Variants in FBXL2 observed in about 807,000 individuals in gnomAD.
FBXL2 encodes F-box and leucine rich repeat protein 2.
Under a neutral mutation model 69.2 loss-of-function variants are expected in FBXL2, and 38 were observed. That is an observed-to-expected ratio of 0.55 (90% CI 0.42 to 0.72). The LOEUF (loss-of-function observed/expected upper bound fraction) is 0.72, where lower values mean the gene tolerates loss of function less well. FBXL2 is among the 30% of genes least tolerant of loss of function. The pLI is 0.00. For synonymous variants in FBXL2, 192 were observed against 201.3 expected, an observed-to-expected ratio of 0.95 and a Z score of 0.39; for missense variants, 354 against 520.3, an observed-to-expected ratio of 0.68 and a Z score of 3.11.
At chr3:33,364,865 A>C (rs1012791444) in intron 5 of FBXL2, 146 bp downstream of exon 5, 3 of 734,062 alleles carry the variant, frequency 4.1e-6, no homozygotes, top group Non-Finnish European at 6.9e-6. Context: ...AGGACTTTGG[A>C]ATAGCAAACC....
intron 5 of FBXL2, among the ~76,000 whole-genome samples, chr3:33,367,208 A>G (rs941763603): frequency 1.3e-5 from 2 of 151,954 alleles, no homozygotes; most frequent in Non-Finnish European, 2.9e-5. Context: ...CAGCCTCCCA[A>G]GTAGCTGAGA....
At chr3:33,321,013 C>T (rs1454226230) in intron 2 of FBXL2, among the ~76,000 whole-genome samples, 2 of 151,658 alleles carry the variant, frequency 1.3e-5, no homozygotes, top group Admixed American at 6.6e-5. Context: ...GACAAACAAT[C>T]TAACTAAAAA....
intron 12 of FBXL2, 58 bp from the exon 13 acceptor site, chr3:33,378,627 G>A: frequency 6.5e-7 from 1 of 1,541,970 alleles, no homozygotes; most frequent in Non-Finnish European, 8.8e-7. Flanking sequence ...GGAGAAGCCA[G>A]GATTAGGTAT....
chr3:33,338,449 A>T lies in FBXL2; in HGVS notation c.66-20518A>T, dbSNP rs374303373. On this transcript the variant is annotated intron_variant, in intron 2 of 14. Transcript: ENST00000484457. ...TAAATAAAATCCATATGGAATGAAA[A>T]AAAAAGTCTGAGTAGCCAAAACTAT... 5.5e-4 allele frequency among the ~76,000 whole-genome samples: 83 copies of T among 152,288 alleles called. 1 individual carries two copies. Among genetic ancestry groups the T allele is most frequent in the African/African-American group, 1.9e-3 (78 of 41,566 alleles).
chr3:33,301,457 T>A (rs935828800), intron 2 of FBXL2, among the ~76,000 whole-genome samples: 1 of 152,230 alleles, frequency 6.6e-6, no homozygotes, highest in African/African-American at 2.4e-5. Flanking sequence ...TTAACAAGCA[T>A]AATCTGGAAT....
intron 12 of FBXL2, among the ~76,000 whole-genome samples, chr3:33,398,839 A>G (rs1011310811): frequency 6.6e-6 from 1 of 152,182 alleles, no homozygotes; most frequent in African/African-American, 2.4e-5. Context: ...CCTTCCATAC[A>G]ACAGTGCAAG....
At chr3:33,376,467 A>G (rs1485731343) in intron 10 of FBXL2, among the ~76,000 whole-genome samples, 1 of 152,170 alleles carries the variant, frequency 6.6e-6, no homozygotes, top group Non-Finnish European at 1.5e-5. Flanking sequence ...TGCTTAGTAG[A>G]AGGAATTTGG....
intron 2 of FBXL2, among the ~76,000 whole-genome samples, chr3:33,354,971 G>A (rs990247452): frequency 1.3e-5 from 2 of 151,926 alleles, no homozygotes; most frequent in African/African-American, 4.8e-5. Flanking sequence ...TTTTGAGACA[G>A]GGTCTCCTTC....
intron 12 of FBXL2, chr3:33,401,064 T>G: frequency 6.6e-7 from 1 of 1,524,320 alleles, no homozygotes; most frequent in Non-Finnish European, 8.9e-7. Context: ...ATAATACATA[T>G]ATGTTTTAAT....
chr3:33,373,000 G>C, intron 5 of FBXL2, 92 bp from the exon 6 acceptor site: 1 of 1,048,238 alleles, frequency 9.5e-7, no homozygotes, highest in Non-Finnish European at 1.5e-6. Context: ...TTAAGTTTGA[G>C]GGAGCGCTGT....
intron 13 of FBXL2, chr3:33,383,686 A>G (rs528909021): frequency 1.2e-5 from 4 of 343,080 alleles, no homozygotes; most frequent in South Asian, 1.0e-4. Context: ...AGAAGAGAGA[A>G]GCCACTCCCA....
At chr3:33,412,813 A>G in the FBXL2 span, 1 of 1,613,276 alleles carries the variant, frequency 6.2e-7, no homozygotes, top group South Asian at 1.1e-5. Context: ...CATGGAATAC[A>G]ACCCTTATGA....
At chr3:33,298,696 CAAAAAAAAAA>C in intron 2 of FBXL2, among the ~76,000 whole-genome samples, 1 of 47,284 alleles carries the variant, frequency 2.1e-5, no homozygotes, top group East Asian at 6.7e-4. Context: ...AACTCTGTCT[CAAAAAAAAAA>C]AAAAAAAAAA....
At chr3:33,342,250 C>T (rs1559571839) in intron 2 of FBXL2, among the ~76,000 whole-genome samples, 1 of 151,650 alleles carries the variant, frequency 6.6e-6, no homozygotes, top group Non-Finnish European at 1.5e-5. Context: ...CGTGAGCCTC[C>T]CGCCTCAGCC....
At chr3:33,393,512 T>C in intron 12 of FBXL2, 2 of 1,539,078 alleles carry the variant, frequency 1.3e-6, no homozygotes, top group Non-Finnish European at 1.8e-6. Flanking sequence ...ATCTGTTTTC[T>C]GCCTGATCTG....
chr3:33,397,806 A>C (rs558704975), intron 12 of FBXL2: 2 of 152,198 alleles, frequency 1.3e-5, no homozygotes, highest in African/African-American at 4.8e-5. Flanking sequence ...GGTTTCCTAT[A>C]GCACCACCTA....
At chr3:33,398,440 CAG>C (rs1218773323) in intron 12 of FBXL2, 2 of 152,156 alleles carry the variant, frequency 1.3e-5, no homozygotes, top group South Asian at 2.1e-4. Context: ...CAGTTGTGAC[CAG>C]AGAGTACTGT....
At chr3:33,377,170 C>A in intron 10 of FBXL2, 103 bp from the exon 11 acceptor site, 2 of 1,116,836 alleles carry the variant, frequency 1.8e-6, no homozygotes, top group Non-Finnish European at 2.7e-6. Flanking sequence ...GAGGCAAAAG[C>A]ATGTCAAAGA....
At chr3:33,381,663 G>T in intron 13 of FBXL2, among the ~76,000 whole-genome samples, 1 of 151,084 alleles carries the variant, frequency 6.6e-6, no homozygotes, top group African/African-American at 2.4e-5. Context: ...AAAAGAAAAT[G>T]AAATATATAC....
Sources: gnomAD v4.1 joint callset for allele counts (sites outside exome capture counted in the v4.1 genomes callset) on GRCh38, gnomAD v4.1.1 for gene constraint, MANE v1.5 for transcripts, NCBI Gene and HGNC (gene_info 2026-07-23, HGNC 2026-07-21) for gene names.